Variants in SLC35D4 observed in about 807,000 individuals in gnomAD.
SLC35D4 encodes the protein UDP-N-acetylglucosamine transporter SLC35D4.
the SLC35D4 span, chr18:23,370,379 C>T: frequency 1.1e-6 from 1 of 934,396 alleles, no homozygotes; most frequent in South Asian, 1.6e-5. Context: ...GACTGCTGGT[C>T]CTTTTCCCTA....
the SLC35D4 span, among the ~76,000 whole-genome samples, chr18:23,342,842 C>T: frequency 1.3e-5 from 2 of 152,264 alleles, no homozygotes; most frequent in Admixed American, 6.5e-5. Flanking sequence ...TTCCTATGTA[C>T]TTATTAACCA....
the SLC35D4 span, among the ~76,000 whole-genome samples, chr18:23,411,479 G>GAGAA: frequency 1.8e-4 from 13 of 72,842 alleles, no homozygotes; most frequent in South Asian, 8.9e-4. Flanking sequence ...AAGAAAGAAA[G>GAGAA]AGATAGAAAG....
chr18:23,253,727 A>C, the SLC35D4 span: 1 of 1,613,690 alleles, frequency 6.2e-7, no homozygotes, highest in East Asian at 2.2e-5. Flanking sequence ...GTCTTTCTCC[A>C]GTCTGAAACG....
chr18:23,258,566 CAAGA>C, the SLC35D4 span: 1 of 152,202 alleles, frequency 6.6e-6, no homozygotes, highest in Non-Finnish European at 1.5e-5. Context: ...CTCATAGCTG[CAAGA>C]GAGAGGCACC....
At chr18:23,271,412 G>A in the SLC35D4 span, among the ~76,000 whole-genome samples, 1 of 152,232 alleles carries the variant, frequency 6.6e-6, no homozygotes, top group Non-Finnish European at 1.5e-5. Flanking sequence ...AGTGCAGTCA[G>A]CAGGCACTAG....
the SLC35D4 span, among the ~76,000 whole-genome samples, chr18:23,435,451 A>G: frequency 3.3e-5 from 5 of 152,234 alleles, no homozygotes; most frequent in Non-Finnish European, 5.9e-5. Context: ...AAAGCCAGAG[A>G]TTTCACAAAT....
chr18:23,311,229 A>T, the SLC35D4 span, among the ~76,000 whole-genome samples: 6 of 151,606 alleles, frequency 4.0e-5, no homozygotes, highest in African/African-American at 1.5e-4. Context: ...AGCTGGGCCT[A>T]TAGGCATACA....
chr18:23,343,812 G>A, the SLC35D4 span, among the ~76,000 whole-genome samples: 3 of 151,836 alleles, frequency 2.0e-5, no homozygotes, highest in South Asian at 2.1e-4. Context: ...GAGAACATGC[G>A]ATATTTGGTG....
At chr18:23,346,896 T>G in the SLC35D4 span, among the ~76,000 whole-genome samples, 1 of 152,224 alleles carries the variant, frequency 6.6e-6, no homozygotes, top group African/African-American at 2.4e-5. Flanking sequence ...GTATAATTCT[T>G]TTTATATGTT....
chr18:23,299,099 T>TA, the SLC35D4 span, among the ~76,000 whole-genome samples: 1 of 152,240 alleles, frequency 6.6e-6, no homozygotes, highest in East Asian at 1.9e-4. Flanking sequence ...AGTGAGAATA[T>TA]AAAAACCATA....
At chr18:23,425,048 T>A in the SLC35D4 span, among the ~76,000 whole-genome samples, 3 of 152,258 alleles carry the variant, frequency 2.0e-5, no homozygotes. Flanking sequence ...TCCCTTAACA[T>A]CAAAATTGAC....
chr18:23,276,955 TCTAC>T, the SLC35D4 span, among the ~76,000 whole-genome samples: 1 of 152,248 alleles, frequency 6.6e-6, no homozygotes, highest in Admixed American at 6.5e-5. Flanking sequence ...TCTTCTCCTC[TCTAC>T]CTGTCATCTA....
At chr18:23,274,128 G>A in the SLC35D4 span, among the ~76,000 whole-genome samples, 38 of 152,154 alleles carry the variant, frequency 2.5e-4, no homozygotes, top group African/African-American at 8.7e-4. Flanking sequence ...TAGAGACAGG[G>A]TCTCACTCTG....
chr18:23,284,874 C>T, the SLC35D4 span, among the ~76,000 whole-genome samples: 1 of 152,356 alleles, frequency 6.6e-6, no homozygotes, highest in East Asian at 1.9e-4. Flanking sequence ...ACCCCAGCCT[C>T]CTGTTGGGGA....
the SLC35D4 span, among the ~76,000 whole-genome samples, chr18:23,413,985 G>A: frequency 6.8e-4 from 102 of 149,768 alleles, no homozygotes; most frequent in Non-Finnish European, 1.1e-3. Context: ...GGCTGGGCGC[G>A]GTGGCTCACG....
the SLC35D4 span, among the ~76,000 whole-genome samples, chr18:23,419,709 C>T: frequency 5.3e-5 from 8 of 152,060 alleles, no homozygotes; most frequent in Admixed American, 5.2e-4. Context: ...ACAAAGCATA[C>T]CATCGAGATA....
the SLC35D4 span, among the ~76,000 whole-genome samples, chr18:23,410,288 T>C: frequency 0.11 from 15,946 of 151,368 alleles, 1,550 homozygotes; most frequent in African/African-American, 0.22. Context: ...CCATCCTGGC[T>C]AACACAGTGA....
the SLC35D4 span, among the ~76,000 whole-genome samples, chr18:23,408,188 C>A: frequency 6.6e-6 from 1 of 152,010 alleles, no homozygotes; most frequent in African/African-American, 2.4e-5. Context: ...CACCCCTAAC[C>A]TCTTACCTGG....
the SLC35D4 span, among the ~76,000 whole-genome samples, chr18:23,266,253 G>C: frequency 2.0e-5 from 3 of 152,134 alleles, no homozygotes; most frequent in Non-Finnish European, 2.9e-5. Context: ...CAAGCCACTG[G>C]CCAGCCCATG....
Sources: gnomAD v4.1 joint callset for allele counts (sites outside exome capture counted in the v4.1 genomes callset) on GRCh38, gnomAD v4.1.1 for gene constraint, MANE v1.5 for transcripts, NCBI Gene and HGNC (gene_info 2026-07-23, HGNC 2026-07-21) for gene names.